Variants in ZNF804B observed in about 807,000 individuals in gnomAD.
The protein encoded by ZNF804B is zinc finger protein 804B.
Under a neutral mutation model 101.4 loss-of-function variants are expected in ZNF804B, and 80 were observed. That is an observed-to-expected ratio of 0.79 (90% CI 0.66 to 0.95). ZNF804B has a LOEUF of 0.95. Among genes scored for constraint, ZNF804B ranks in the 40% least tolerant of loss-of-function variants. ZNF804B has a pLI of 0.00. For synonymous variants in ZNF804B, 622 were observed against 558.8 expected, an observed-to-expected ratio of 1.11 and a Z score of -1.59; for missense variants, 1,673 against 1,561.9, an observed-to-expected ratio of 1.07 and a Z score of -1.20.
At chr7:88,854,501 C>A (rs1186908445) in intron 1 of ZNF804B, among the ~76,000 whole-genome samples, 1 of 84,948 alleles carries the variant, frequency 1.2e-5, no homozygotes, top group African/African-American at 6.6e-5. Context: ...CCTTTCCTTT[C>A]CTTTCCTTTC....
chr7:88,838,009 T>C (rs1300868508), intron 1 of ZNF804B, among the ~76,000 whole-genome samples: 2 of 151,806 alleles, frequency 1.3e-5, no homozygotes, highest in Non-Finnish European at 2.9e-5. Context: ...TTTTCTTTTA[T>C]GAGAAATACT....
At chr7:88,903,230 G>T (rs1025155067) in intron 1 of ZNF804B, among the ~76,000 whole-genome samples, 1 of 151,922 alleles carries the variant, frequency 6.6e-6, no homozygotes, top group Admixed American at 6.6e-5. Context: ...AATTGTCTTA[G>T]GGGATTATGG....
intron 1 of ZNF804B, among the ~76,000 whole-genome samples, chr7:89,037,498 C>T (rs1489475310): frequency 6.6e-6 from 1 of 151,278 alleles, no homozygotes; most frequent in East Asian, 1.9e-4. Context: ...TTATTTTTAC[C>T]TAGCCTTATT....
At chr7:88,806,084 C>A (rs1345578315) in intron 1 of ZNF804B, among the ~76,000 whole-genome samples, 1 of 150,786 alleles carries the variant, frequency 6.6e-6, no homozygotes, top group East Asian at 1.9e-4. Flanking sequence ...ATCATTATTT[C>A]TATGTATTTT....
At chr7:88,792,930 C>T (rs1790401804) in intron 1 of ZNF804B, among the ~76,000 whole-genome samples, 1 of 151,710 alleles carries the variant, frequency 6.6e-6, no homozygotes. Flanking sequence ...TTATTATATA[C>T]ATTTTGTTTG....
intron 1 of ZNF804B, among the ~76,000 whole-genome samples, chr7:89,031,896 G>A (rs1788841381): frequency 6.6e-6 from 1 of 152,046 alleles, no homozygotes; most frequent in East Asian, 1.9e-4. Flanking sequence ...GATTCATAAA[G>A]CAAATGGAAT....
chr7:88,922,644 A>C (rs1436696182), intron 1 of ZNF804B, among the ~76,000 whole-genome samples: 1 of 151,900 alleles, frequency 6.6e-6, no homozygotes, highest in East Asian at 1.9e-4. Context: ...CACTTTTTCT[A>C]ATTAGCCTCA....
intron 1 of ZNF804B, among the ~76,000 whole-genome samples, chr7:88,852,350 G>T (rs1299142500): frequency 1.3e-5 from 2 of 152,084 alleles, no homozygotes; most frequent in Non-Finnish European, 2.9e-5. Flanking sequence ...TTTTACTGAT[G>T]TGTTTTAAGA....
chr7:89,274,073 C>G lies in ZNF804B; in HGVS notation c.250-53271C>G, dbSNP rs373203772. Among the ~76,000 whole-genome samples the G allele has an allele frequency of 1.4e-3, 217 of 152,088 alleles. 1 individual carries two copies. Among genetic ancestry groups the G allele is most frequent in the African/African-American group, 4.9e-3 (205 of 41,536 alleles). On this transcript the variant is annotated intron_variant, in intron 2 of 3. Coordinates refer to ENST00000333190, the MANE Select transcript of ZNF804B (RefSeq NM_181646.5). ...TCTTCCCCTGTGACTGATGACTATTCCACAACCTCTCATCTCTACCAAAAT... is the reference window on the plus strand; with the variant it reads ...TCTTCCCCTGTGACTGATGACTATTGCACAACCTCTCATCTCTACCAAAAT...
At chr7:89,139,045 C>A (rs1359458520) in intron 1 of ZNF804B, among the ~76,000 whole-genome samples, 1 of 151,892 alleles carries the variant, frequency 6.6e-6, no homozygotes, top group African/African-American at 2.4e-5. Context: ...ACAGGCATAC[C>A]TCAGAGATAT....
intron 1 of ZNF804B, among the ~76,000 whole-genome samples, chr7:88,782,871 T>C (rs1790250759): frequency 6.6e-6 from 1 of 152,120 alleles, no homozygotes; most frequent in Admixed American, 6.6e-5. Flanking sequence ...ATCGCACAAA[T>C]AAGCATTTGT....
intron 2 of ZNF804B, among the ~76,000 whole-genome samples, chr7:89,220,025 A>ACG (rs1788969128): frequency 1.2e-5 from 1 of 80,766 alleles, no homozygotes; most frequent in African/African-American, 4.6e-5. Flanking sequence ...GTGTATACAT[A>ACG]TATATACGCA....
intron 2 of ZNF804B, among the ~76,000 whole-genome samples, chr7:89,228,097 G>A (rs1267413891): frequency 1.3e-5 from 2 of 152,000 alleles, no homozygotes; most frequent in African/African-American, 2.4e-5. Context: ...AAGGTGGCAC[G>A]TCTGGAGTTT....
intron 1 of ZNF804B, among the ~76,000 whole-genome samples, chr7:88,960,859 A>G (rs1278219814): frequency 6.6e-6 from 1 of 151,432 alleles, no homozygotes; most frequent in East Asian, 2.0e-4. Flanking sequence ...TTATTGAAAA[A>G]AAGAAAATAT....
At chr7:89,248,200 G>A (rs938315069) in intron 2 of ZNF804B, among the ~76,000 whole-genome samples, 1 of 152,134 alleles carries the variant, frequency 6.6e-6, no homozygotes, top group Non-Finnish European at 1.5e-5. Context: ...AATACTTCAA[G>A]AGAATTTTTC....
At position 88,790,751 on chromosome 7, in the gene ZNF804B, C is replaced by T. The variant is rs571200404; in HGVS notation, c.108+30667C>T. 1.2e-3 allele frequency among the ~76,000 whole-genome samples: 180 copies of T among 152,154 alleles called. 7 individuals are homozygous for T. The South Asian group carries it at 0.037, about 31-fold the overall frequency. On this transcript the variant is annotated intron_variant, in intron 1 of 3. Transcript: ENST00000333190. ...CTATTGTGAATAGGGCTGCAATGAA[C>T]ATACGCGTGCATGTATCTGCATTCT...
intron 1 of ZNF804B, among the ~76,000 whole-genome samples, chr7:89,043,397 T>A (rs1273572034): frequency 6.6e-6 from 1 of 152,218 alleles, no homozygotes; most frequent in Non-Finnish European, 1.5e-5. Context: ...TAACCTTCAT[T>A]GTCTCAAATT....
At chr7:89,106,060 AG>A (rs1304655364) in intron 1 of ZNF804B, among the ~76,000 whole-genome samples, 2 of 152,146 alleles carry the variant, frequency 1.3e-5, no homozygotes, top group Non-Finnish European at 2.9e-5. Context: ...GCTCTCTGGA[AG>A]ATCCATACAT....
chr7:88,830,342 CAAAA>C (rs201918081), intron 1 of ZNF804B, among the ~76,000 whole-genome samples: 7 of 151,218 alleles, frequency 4.6e-5, no homozygotes, highest in African/African-American at 1.5e-4. Flanking sequence ...AGAAATTTAG[CAAAA>C]AAAAGAAATA....
Sources: allele counts gnomAD v4.1 joint callset (sites outside exome capture counted in the v4.1 genomes callset), GRCh38; gene constraint gnomAD v4.1.1; transcripts MANE v1.5; gene names NCBI Gene and HGNC (gene_info 2026-07-23, HGNC 2026-07-21).